PIK3C2A: variants seen among roughly 807,000 people sequenced by gnomAD.
PIK3C2A encodes phosphatidylinositol 4-phosphate 3-kinase C2 domain-containing subunit alpha.
Under a neutral mutation model 204.5 loss-of-function variants are expected in PIK3C2A, and 97 were observed. The ratio of observed to expected loss-of-function variants is 0.47; its 90% CI spans 0.40 to 0.56. The LOEUF (loss-of-function observed/expected upper bound fraction) is 0.56. Among genes scored for constraint, PIK3C2A ranks in the 20% least tolerant of loss-of-function variants. The pLI is 0.00. For synonymous variants in PIK3C2A, 653 were observed against 664.4 expected, an observed-to-expected ratio of 0.98 and a Z score of 0.26; for missense variants, 1,735 against 1,969.2, an observed-to-expected ratio of 0.88 and a Z score of 2.25.
At chr11:17,117,394 G>A in intron 19 of PIK3C2A, 97 bp downstream of exon 19, 1 of 738,344 alleles carries the variant, frequency 1.4e-6, no homozygotes, top group Non-Finnish European at 2.3e-6. Flanking sequence ...GTTCTACTGG[G>A]AGTCTACCAA....
chr11:17,159,133 A>G (rs576611490), intron 2 of PIK3C2A, among the ~76,000 whole-genome samples: 10 of 152,148 alleles, frequency 6.6e-5, no homozygotes, highest in African/African-American at 2.4e-4. Context: ...GCATCAAATC[A>G]TCTCTTTTCT....
rs12287599 is a variant in PIK3C2A at position 17,147,983 on chromosome 11, C to T, written c.1449-355G>A. Among the ~76,000 whole-genome samples the T allele has an allele frequency of 5.9e-3, 899 of 152,014 alleles. 17 individuals are homozygous for T. Among genetic ancestry groups the T allele is most frequent in the African/African-American group, 0.021 (855 of 41,476 alleles). On this transcript the variant is annotated intron_variant, in intron 5 of 32. Coordinates refer to ENST00000691414, the MANE Select transcript of PIK3C2A (RefSeq NM_002645.4). ...CTGTAATCCCAGCACTTTGGGAGGC[C>T]GAGGCGGGTGGATCACCTGAGGTCG...
At chr11:17,197,264 C>T (rs1852194156) in intron 1 of PIK3C2A, among the ~76,000 whole-genome samples, 1 of 152,122 alleles carries the variant, frequency 6.6e-6, no homozygotes, top group South Asian at 2.1e-4. Flanking sequence ...AAGAGATCCA[C>T]CCACCTCAGC....
At chr11:17,150,827 T>C (rs1273778505) in intron 3 of PIK3C2A, among the ~76,000 whole-genome samples, 172 bp from the exon 4 acceptor site, 2 of 152,180 alleles carry the variant, frequency 1.3e-5, no homozygotes, top group Non-Finnish European at 2.9e-5. Flanking sequence ...ACCAGCATTT[T>C]CCTTTTAAAT....
rs766854279 is a variant in PIK3C2A at position 17,169,374 on chromosome 11, A to C, written c.368T>G (p.Leu123Arg). Residue 123 changes from leucine (L) to arginine (R), a missense_variant, in exon 2 of 33, where the codon CTG becomes CGG. Leu to Arg is a moderately radical substitution (Grantham distance 102). Coordinates refer to ENST00000691414, the MANE Select transcript of PIK3C2A (RefSeq NM_002645.4). ...KTPVLPVTPI[L>R]SPSFSAQLYF... The stretch of plus-strand genomic sequence containing the variant: ...GAGCTGTGCTGAAAAGGAAGGGCTC[A>C]GAATAGGAGTAACTGGTAATACAGG... 2 of 1,613,992 alleles carry C rather than the reference A, an allele frequency of 1.2e-6. No homozygotes were observed. The highest frequency in any genetic ancestry group is 1.7e-6 in the Non-Finnish European group (2 of 1,179,964).
chr11:17,165,049 T>G (rs1038194864), intron 2 of PIK3C2A, among the ~76,000 whole-genome samples: 3 of 151,974 alleles, frequency 2.0e-5, no homozygotes, highest in African/African-American at 7.2e-5. Flanking sequence ...GAGTGACCAA[T>G]CTAAACTAAA....
In PIK3C2A at chr11:17,102,253, G is replaced by A. The variant is rs950397630; in HGVS notation, c.3851+409C>T. Among the ~76,000 whole-genome samples the A allele has an allele frequency of 1.8e-4, 27 of 152,112 alleles. No homozygotes were observed. In the South Asian group the frequency reaches 2.7e-3, roughly 15 times the overall value. The stretch of plus-strand genomic sequence containing the variant: ...AGATCGAGACCATCCTGGCTAACAC[G>A]GTGAAACCCCGTCTCTACTAAAAAT... On this transcript the variant is annotated intron_variant, in intron 24 of 32. Coordinates refer to ENST00000691414, the MANE Select transcript of PIK3C2A (RefSeq NM_002645.4).
In PIK3C2A at chr11:17,203,886, C is replaced by T. The variant is rs187616790; in HGVS notation, c.-66+3962G>A. Among the ~76,000 whole-genome samples the T allele has an allele frequency of 5.9e-3, 905 of 152,280 alleles. 18 individuals are homozygous for T. Among genetic ancestry groups the T allele is most frequent in the African/African-American group, 0.021 (861 of 41,562 alleles). ...AGGAGATTGAGACCATCCTGGCTAA[C>T]ACCGTGAAACCCTGTCTCTACTAAA... On this transcript the variant is annotated intron_variant, in intron 1 of 32. Transcript: ENST00000691414.
chr11:17,125,899 G>A (rs1166222146), intron 13 of PIK3C2A, among the ~76,000 whole-genome samples: 4 of 152,126 alleles, frequency 2.6e-5, no homozygotes, highest in African/African-American at 9.6e-5. Flanking sequence ...TAAGGCAGGT[G>A]GATCACTCGA....
At chr11:17,200,572 T>C (rs1169580020) in intron 1 of PIK3C2A, among the ~76,000 whole-genome samples, 1 of 152,066 alleles carries the variant, frequency 6.6e-6, no homozygotes, top group Non-Finnish European at 1.5e-5. Flanking sequence ...AAAAAACAAA[T>C]GAGCTGTTGC....
intron 23 of PIK3C2A, among the ~76,000 whole-genome samples, chr11:17,104,772 G>C (rs919509324): frequency 2.7e-5 from 4 of 150,482 alleles, no homozygotes; most frequent in Admixed American, 6.7e-5. Context: ...GTTGCTGAGT[G>C]ACTTGGGACG....
chr11:17,166,579 G>C (rs1467016524), intron 2 of PIK3C2A, among the ~76,000 whole-genome samples: 1 of 152,188 alleles, frequency 6.6e-6, no homozygotes, highest in African/African-American at 2.4e-5. Flanking sequence ...TTAACTTCAA[G>C]ACAATCTATT....
intron 2 of PIK3C2A, among the ~76,000 whole-genome samples, chr11:17,157,186 T>C (rs943491166): frequency 2.0e-5 from 3 of 151,984 alleles, no homozygotes; most frequent in African/African-American, 7.3e-5. Flanking sequence ...TCAACACCAA[T>C]TGCAATGAAG....
chr11:17,100,043 G>T, intron 25 of PIK3C2A, 74 bp from the exon 26 acceptor site: 1 of 741,224 alleles, frequency 1.3e-6, no homozygotes, highest in Non-Finnish European at 2.4e-6. Context: ...CCTGTGGGCT[G>T]CTCAAGTAAT....
intron 13 of PIK3C2A, among the ~76,000 whole-genome samples, chr11:17,125,000 A>G (rs763352729): frequency 6.6e-6 from 1 of 152,178 alleles, no homozygotes; most frequent in Non-Finnish European, 1.5e-5. Context: ...TGCAGTTGGT[A>G]TTGTATACTA....
chr11:17,120,345 C>T (rs752474197), intron 15 of PIK3C2A, among the ~76,000 whole-genome samples: 7 of 150,774 alleles, frequency 4.6e-5, no homozygotes, highest in East Asian at 1.9e-4. Context: ...AAATCAAATG[C>T]TATGAAAAAA....
chr11:17,122,293 G>C lies in PIK3C2A; in HGVS notation c.2552C>G (p.Thr851Ser). The stretch of plus-strand genomic sequence containing the variant: ...TATAATGCTTCTGTCAACTTGAGGA[G>C]TTGTATAAATAATATCAAATGCAGG... ...PSPAFDIIYT[T>S]PQVDRSIIQQ... Residue 851 changes from threonine (T) to serine (S), a missense_variant, in exon 15 of 33, where the codon ACT (threonine) becomes AGT (serine). Thr to Ser is a moderately conservative substitution (Grantham distance 58). Coordinates refer to ENST00000691414, the MANE Select transcript of PIK3C2A (RefSeq NM_002645.4). 1 of 1,537,226 alleles carries C rather than the reference G, an allele frequency of 6.5e-7. No homozygotes were observed. The highest frequency in any genetic ancestry group is 9.0e-7 in the Non-Finnish European group (1 of 1,113,092).
intron 32 of PIK3C2A, among the ~76,000 whole-genome samples, chr11:17,090,988 G>A (rs1265085116): frequency 6.6e-6 from 1 of 151,194 alleles, no homozygotes; most frequent in African/African-American, 2.4e-5. Context: ...CTCAAGGGAT[G>A]TATCCACCTC....
intron 27 of PIK3C2A, among the ~76,000 whole-genome samples, chr11:17,094,843 G>A (rs1410278510): frequency 6.6e-6 from 1 of 152,142 alleles, no homozygotes; most frequent in Non-Finnish European, 1.5e-5. Flanking sequence ...CTTTTATCTT[G>A]GTAATATATA....
Sources: gnomAD v4.1 joint callset for allele counts (sites outside exome capture counted in the v4.1 genomes callset) on GRCh38, gnomAD v4.1.1 for gene constraint, MANE v1.5 for transcripts, NCBI Gene and HGNC (gene_info 2026-07-23, HGNC 2026-07-21) for gene names.